Variants in DENND1B observed in about 807,000 individuals in gnomAD.
DENND1B encodes the protein DENN domain-containing protein 1B.
DENND1B carries 59 observed loss-of-function variants against 90.1 expected under a neutral mutation model. That is an observed-to-expected ratio of 0.65 (90% CI 0.53 to 0.81). DENND1B has a LOEUF of 0.81. DENND1B is among the 40% of genes least tolerant of loss of function. The pLI, the probability that DENND1B is intolerant of heterozygous loss-of-function variation, is 0.00. For synonymous variants in DENND1B, 337 were observed against 324.6 expected (o/e 1.04, Z -0.41); for missense variants, 862 against 912.6 (o/e 0.94, Z 0.71).
chr1:197,764,897 T>C (rs932687825), intron 2 of DENND1B, among the ~76,000 whole-genome samples: 3 of 152,126 alleles, frequency 2.0e-5, no homozygotes, highest in Admixed American at 2.0e-4. Flanking sequence ...AGCAGGCCTA[T>C]ATAATGCTCA....
intron 3 of DENND1B, among the ~76,000 whole-genome samples, chr1:197,714,079 T>G: frequency 6.7e-6 from 1 of 148,826 alleles, no homozygotes; most frequent in East Asian, 2.0e-4. Context: ...CAGGTTCAAG[T>G]GATTCTCCTG....
chr1:197,694,554 T>C (rs1384716982), intron 3 of DENND1B, among the ~76,000 whole-genome samples: 3 of 151,408 alleles, frequency 2.0e-5, no homozygotes, highest in African/African-American at 7.3e-5. Flanking sequence ...CTATGTTAGG[T>C]AACCTTGAAA....
intron 20 of DENND1B, among the ~76,000 whole-genome samples, chr1:197,526,293 A>G (rs1669126435): frequency 6.6e-6 from 1 of 152,122 alleles, no homozygotes; most frequent in African/African-American, 2.4e-5. Flanking sequence ...GCAGCTCTAT[A>G]TTCAAAACCA....
At chr1:197,609,822 A>G (rs1461066055) in intron 12 of DENND1B, among the ~76,000 whole-genome samples, 1 of 150,680 alleles carries the variant, frequency 6.6e-6, no homozygotes, top group East Asian at 1.9e-4. Flanking sequence ...TTATTCCTTA[A>G]AGAAAAAATT....
chr1:197,521,664 A>G (rs1318333634), intron 20 of DENND1B, among the ~76,000 whole-genome samples: 3 of 152,038 alleles, frequency 2.0e-5, no homozygotes, highest in African/African-American at 7.2e-5. Flanking sequence ...ATAATAATGT[A>G]TAATTATAAT....
In DENND1B at chr1:197,513,005, C is replaced by T. The variant is rs140637683; in HGVS notation, c.1516-52G>A. ...GGCATTAGCAGTTTAAAATAAGTCTCTTTAGCAAATTTTAAAGCAACAATG... is the reference window on the plus strand; with the variant it reads ...GGCATTAGCAGTTTAAAATAAGTCTTTTTAGCAAATTTTAAAGCAACAATG... On this transcript the variant is annotated intron_variant, in intron 20 of 22. Transcript: ENST00000620048. 2.7e-3 allele frequency: 3,955 copies of T among 1,472,750 alleles called. 10 individuals are homozygous for T. The highest frequency in any genetic ancestry group is 3.3e-3 in the Non-Finnish European group (3,550 of 1,080,864). The allele number at this position is 1,472,750 out of a possible 1,614,324, so 91.2% of individuals were successfully genotyped here.
At chr1:197,528,628 A>G (rs1278942035) in intron 20 of DENND1B, among the ~76,000 whole-genome samples, 1 of 152,172 alleles carries the variant, frequency 6.6e-6, no homozygotes, top group African/African-American at 2.4e-5. Flanking sequence ...TGGGAGGCCG[A>G]GGCGGGCGGA....
At chr1:197,630,523 A>T (rs997916054) in intron 10 of DENND1B, among the ~76,000 whole-genome samples, 2 of 152,070 alleles carry the variant, frequency 1.3e-5, no homozygotes, top group African/African-American at 2.4e-5. Context: ...CAAAAATACA[A>T]ATTTTAGGGG....
chr1:197,754,595 C>A (rs1654008925), intron 2 of DENND1B, among the ~76,000 whole-genome samples: 1 of 136,248 alleles, frequency 7.3e-6, no homozygotes. Flanking sequence ...GAGGCAAAGG[C>A]TGCAGTAAGC....
In DENND1B at chr1:197,511,747, T is replaced by C. The variant is rs1206718756; in HGVS notation, c.1796A>G (p.Asp599Gly). 1.2e-6 allele frequency: 2 copies of C among 1,606,522 alleles called. No homozygotes were observed. The highest frequency in any genetic ancestry group is 8.5e-7 in the Non-Finnish European group (1 of 1,176,132). Residue 599 changes from aspartate to glycine, a missense_variant, in exon 22 of 23, where the codon GAC (aspartate) becomes GGC (glycine). Transcript: ENST00000620048. The stretch of plus-strand genomic sequence containing the variant: ...ACTAACCGTAGGTTTGTAATCAATG[T>C]CATCCATTGATCTAAAGAAATCCAA... ...KSLDFFRSMD[D>G]IDYKPTNKSN...
chr1:197,776,426 G>A (rs1230531331), upstream of DENND1B, among the ~76,000 whole-genome samples: 1 of 152,164 alleles, frequency 6.6e-6, no homozygotes. Flanking sequence ...AAAGTCTTAT[G>A]ATGGACATTC....
intron 3 of DENND1B, among the ~76,000 whole-genome samples, chr1:197,707,603 A>G (rs1481148522): frequency 6.8e-6 from 1 of 146,826 alleles, no homozygotes; most frequent in Non-Finnish European, 1.5e-5. Flanking sequence ...TATATTATAT[A>G]CATATATATA....
chr1:197,729,425 C>T (rs1349635714), intron 2 of DENND1B, among the ~76,000 whole-genome samples: 1 of 152,016 alleles, frequency 6.6e-6, no homozygotes, highest in Non-Finnish European at 1.5e-5. Context: ...AGCTGGCTTA[C>T]CCTAACATAA....
At chr1:197,635,983 AAAAG>A (rs549655195) in intron 10 of DENND1B, among the ~76,000 whole-genome samples, 1 of 151,998 alleles carries the variant, frequency 6.6e-6, no homozygotes, top group Non-Finnish European at 1.5e-5. Context: ...TTAAAAAAAA[AAAAG>A]AAAGAAAAAA....
At chr1:197,618,419 T>A (rs1188705113) in intron 10 of DENND1B, among the ~76,000 whole-genome samples, 1 of 151,292 alleles carries the variant, frequency 6.6e-6, no homozygotes, top group Admixed American at 6.6e-5. Context: ...ATATTTAAAC[T>A]GTTCATTCCA....
At chr1:197,544,808 G>T (rs1463041967) in intron 18 of DENND1B, among the ~76,000 whole-genome samples, 4 of 146,506 alleles carry the variant, frequency 2.7e-5, no homozygotes. Flanking sequence ...GGAAGAAGAA[G>T]AAGAGGAAGA....
At chr1:197,770,417 G>A (rs1036286064) in intron 2 of DENND1B, among the ~76,000 whole-genome samples, 2 of 151,782 alleles carry the variant, frequency 1.3e-5, no homozygotes, top group Non-Finnish European at 2.9e-5. Flanking sequence ...GTGGAAAAGA[G>A]CAAAAAGAGG....
At chr1:197,531,163 G>A (rs377625304) in intron 20 of DENND1B, among the ~76,000 whole-genome samples, 4 of 152,292 alleles carry the variant, frequency 2.6e-5, no homozygotes, top group Non-Finnish European at 2.9e-5. Context: ...AATGAATCAC[G>A]TAAATACAAA....
chr1:197,571,176 C>T (rs955021079), intron 15 of DENND1B, among the ~76,000 whole-genome samples: 3 of 152,100 alleles, frequency 2.0e-5, no homozygotes, highest in Non-Finnish European at 4.4e-5. Flanking sequence ...TTTGCCACCT[C>T]TCTCTCCTCT....
Sources: gnomAD v4.1 joint callset for allele counts (sites outside exome capture counted in the v4.1 genomes callset) on GRCh38, gnomAD v4.1.1 for gene constraint, MANE v1.5 for transcripts, NCBI Gene and HGNC (gene_info 2026-07-23, HGNC 2026-07-21) for gene names.